Variants in APOB observed in about 807,000 individuals in gnomAD.
APOB encodes apolipoprotein B-100.
APOB carries 153 observed loss-of-function variants against 314.1 expected under a neutral mutation model. The ratio of observed to expected loss-of-function variants is 0.49; its 90% CI spans 0.43 to 0.56. The LOEUF is 0.56. Ranked by LOEUF, APOB falls within the 20% of genes least tolerant of loss-of-function variation. The pLI, the probability that APOB is intolerant of heterozygous loss-of-function variation, is 0.00. For missense variants in APOB, 5,430 were observed against 5,350.7 expected (o/e 1.01, Z -0.46); for synonymous variants, 2,087 against 2,036.4 (o/e 1.02, Z -0.67).
At chr2:21,024,404 G>A (rs1237953844) in intron 16 of APOB, 2 of 166,116 alleles carry the variant, frequency 1.2e-5, no homozygotes, top group Non-Finnish European at 2.6e-5. Flanking sequence ...GATCACTTGA[G>A]GTCAGGAGTT....
intron 18 of APOB, among the ~76,000 whole-genome samples, chr2:21,020,502 G>A (rs562523354): frequency 2.0e-5 from 3 of 152,068 alleles, no homozygotes; most frequent in Non-Finnish European, 2.9e-5. Flanking sequence ...TGCCCTCCTT[G>A]CTCCTACATC....
At chr2:21,018,947 T>C in intron 20 of APOB, 45 bp downstream of exon 20, 4 of 1,613,334 alleles carry the variant, frequency 2.5e-6, no homozygotes, top group Non-Finnish European at 3.4e-6. Flanking sequence ...ATTCTGAACC[T>C]GAGACTGCGA....
chr2:21,023,807 T>A, intron 16 of APOB, 115 bp from the exon 17 acceptor site: 2 of 873,130 alleles, frequency 2.3e-6, no homozygotes, highest in Non-Finnish European at 3.4e-6. Flanking sequence ...AAGGAAGGAC[T>A]AGCATATTTT....
intron 14 of APOB, among the ~76,000 whole-genome samples, chr2:21,027,475 G>A (rs1327968758): frequency 6.6e-6 from 1 of 151,970 alleles, no homozygotes; most frequent in Admixed American, 6.6e-5. Context: ...CACCACGCCC[G>A]GCTAATTTTT....
Position 21,008,513 on chromosome 2 carries a change from G to T in APOB, c.8355C>A (p.Asn2785Lys). Reference protein sequence around the residue: ...ADIGNGTTSANEAGIAASITA... With the variant: ...ADIGNGTTSAKEAGIAASITA... ...TGATGGAAGCTGCGATACCTGCTTC[G>T]TTTGCTGAGGTGGTTCCATTCCCTA... The change falls in exon 26 of 29, where the codon AAC becomes AAA. Residue 2785 changes from asparagine (N) to lysine (K), a missense_variant. Transcript: ENST00000233242. 1 of 1,614,024 alleles carries T rather than the reference G, an allele frequency of 6.2e-7. No homozygotes were observed. Among genetic ancestry groups the T allele is most frequent in the African/African-American group, 1.3e-5 (1 of 75,002 alleles).
intron 3 of APOB, 141 bp from the exon 4 acceptor site, chr2:21,041,224 G>A: frequency 1.2e-6 from 1 of 833,600 alleles, no homozygotes; most frequent in East Asian, 2.7e-5. Context: ...AACACCACAT[G>A]CCTTATCAAC....
Position 21,040,069 on chromosome 2 carries a change from T to G in APOB, c.383+869A>C, listed in dbSNP as rs1664093988. Among the ~76,000 whole-genome samples the G allele has an allele frequency of 2.0e-5, 3 of 152,134 alleles. No individual in the cohort carries two copies. In the South Asian group the frequency reaches 6.2e-4, roughly 31 times the overall value. The stretch of plus-strand genomic sequence containing the variant: ...ATGGGGGCAGGTCTTTCCCGTGCTG[T>G]TCTCGTGATTGCAGATGGGTGTCGG... On this transcript the variant is annotated intron_variant, in intron 4 of 28. Transcript: ENST00000233242.
chr2:21,015,318 C>G, intron 22 of APOB, 52 bp downstream of exon 22: 1 of 1,612,830 alleles, frequency 6.2e-7, no homozygotes, highest in Non-Finnish European at 8.5e-7. Flanking sequence ...AACCACAGGT[C>G]TCAACACCTG....
intron 1 of APOB, 82 bp from the exon 2 acceptor site, chr2:21,043,633 C>G: frequency 1.3e-6 from 2 of 1,543,842 alleles, no homozygotes; most frequent in South Asian, 2.4e-5. Flanking sequence ...ACCACCGGCA[C>G]AGGTTTCACC....
chr2:21,003,673 GA>G (rs1263166207), intron 28 of APOB, among the ~76,000 whole-genome samples: 1 of 152,124 alleles, frequency 6.6e-6, no homozygotes, highest in Non-Finnish European at 1.5e-5. Flanking sequence ...GAAGAGTCAG[GA>G]AATGACAGAT....
Position 21,009,495 on chromosome 2 carries a change from T to A in APOB, c.7373A>T (p.Glu2458Val). 6.2e-7 allele frequency: 1 copy of A among 1,614,122 alleles called. No homozygotes were observed. The highest frequency in any genetic ancestry group is 8.5e-7 in the Non-Finnish European group (1 of 1,179,974). The change falls in exon 26 of 29, where the codon GAA (glutamate) becomes GTA (valine). Residue 2458 changes from glutamate to valine, a missense_variant. Physicochemically the swap from Glu to Val is moderately radical, Grantham distance 121 (BLOSUM62 -2). Around this residue, in one of 3 missense-constraint regions of APOB, gnomAD observed 3,281 missense variants for 3,171.0 expected, o/e 1.03. Transcript: ENST00000233242. ...QRLNGEIQAL[E>V]LPQKAEALKL... ...TAATGCTTCAGCTTTTTGTGGTAGT[T>A]CCAGAGCCTGAATTTCACCATTGAG...
At chr2:21,043,269 G>C (rs560998916) in intron 2 of APOB, among the ~76,000 whole-genome samples, 3 of 152,248 alleles carry the variant, frequency 2.0e-5, no homozygotes, top group African/African-American at 7.2e-5. Context: ...GGCCAGCGGA[G>C]AGACAATCCC....
chr2:21,013,446 T>C lies in APOB; in HGVS notation c.3930A>G (p.Leu1310=). ...LPFGGKSSRD[L]KMLETVRTPA... is the part of the protein sequence containing the mutation. ...GTGTCCTAACAGTCTCTAACATCTT[T>C]AGATCTCTGGAGGATTTGCCACCAA... Residue 1310 remains leucine, a synonymous_variant, in exon 25 of 29, where the codon CTA becomes CTG. Transcript: ENST00000233242. The C allele has an allele frequency of 1.2e-6, 2 of 1,614,208 alleles. No individual in the cohort carries two copies. Among genetic ancestry groups the C allele is most frequent in the Non-Finnish European group, 1.7e-6 (2 of 1,180,030 alleles).
intron 18 of APOB, among the ~76,000 whole-genome samples, chr2:21,021,352 GCCAT>G (rs1663601872): frequency 6.6e-6 from 1 of 152,082 alleles, no homozygotes; most frequent in African/African-American, 2.4e-5. Flanking sequence ...TCCACTGCAG[GCCAT>G]TATCAGCTCT....
chr2:21,030,561 G>C (rs773650438), intron 10 of APOB, among the ~76,000 whole-genome samples: 5 of 152,068 alleles, frequency 3.3e-5, no homozygotes, highest in Non-Finnish European at 7.4e-5. Flanking sequence ...TCGTGAATAA[G>C]ACCTCAAAGG....
At position 21,034,160 on chromosome 2, in the gene APOB, G is replaced by A. The variant is rs531696939; in HGVS notation, c.905-642C>T. On this transcript the variant is annotated intron_variant, in intron 8 of 28. Transcript: ENST00000233242. ...GAGAGGTAAAAGTCATCATGGAAAT[G>A]TGGTGTAATGAGAATAGTCCTGGCT... 4.6e-4 allele frequency among the ~76,000 whole-genome samples: 70 copies of A among 152,300 alleles called. 1 individual carries two copies. The Middle Eastern group carries it at 0.01, about 22-fold the overall frequency.
rs778476070 is a variant in APOB, at chr2:21,005,104, G to C, written c.11764C>G (p.Gln3922Glu). The C allele has an allele frequency of 3.7e-6, 6 of 1,613,826 alleles. No homozygotes were observed. The African/African-American group carries it at 5.3e-5, about 14-fold the overall frequency. ...CCATTTAGTTCATATTCTAGGAACT[G>C]TACGGTTGAGCTGCATGTGGAATCC... Reference protein sequence around the residue: ...VLDSTCSSTVQFLEYELNVLG... With the variant: ...VLDSTCSSTVEFLEYELNVLG... The change falls in exon 26 of 29, where the codon CAG becomes GAG. Residue 3922 changes from glutamine to glutamate, a missense_variant. By Grantham distance (29) the Gln-to-Glu change is conservative. Around this residue, in one of 3 missense-constraint regions of APOB, gnomAD observed 3,281 missense variants for 3,171.0 expected, o/e 1.03. Transcript: ENST00000233242.
chr2:21,024,903 A>C lies in APOB; in HGVS notation c.2436+30T>G, dbSNP rs370126444. On this transcript the variant is annotated intron_variant, in intron 16 of 28. Transcript: ENST00000233242. The stretch of plus-strand genomic sequence containing the variant: ...TAAAAAAAAACCAACGTCTGGTCTC[A>C]TGGGCCCCCAGTGGGGCCTGCTGAC... The C allele has an allele frequency of 1.5e-5, 24 of 1,612,490 alleles. No homozygotes were observed. The African/African-American group carries it at 2.9e-4, about 20-fold the overall frequency.
Position 21,028,052 on chromosome 2 carries a change from C to G in APOB, c.1843G>C (p.Val615Leu). The G allele has an allele frequency of 6.2e-7, 1 of 1,608,506 alleles. No homozygotes were observed. The highest frequency in any genetic ancestry group is 1.1e-5 in the South Asian group (1 of 90,870). ...TGAGATTCTTTCAGAGCTTCTTTCA[C>G]TAACTTTTTCAGACTAGATAAGAAG... is the stretch of plus-strand genomic sequence containing the variant. ...ELDIQDLKKL[V>L]KEALKESQLP... The change falls in exon 14 of 29, where the codon GTG becomes CTG. Residue 615 changes from valine to leucine, a missense_variant. Transcript: ENST00000233242.
Sources: allele counts gnomAD v4.1 joint callset (sites outside exome capture counted in the v4.1 genomes callset), GRCh38; gene constraint gnomAD v4.1.1; regional missense constraint gnomAD v4.1.1; transcripts MANE v1.5; gene names NCBI Gene and HGNC (gene_info 2026-07-23, HGNC 2026-07-21).